The following FOXP1 variants were observed in gnomAD, a reference collection of about 807,000 sequenced individuals.
The protein encoded by FOXP1 is forkhead box protein P1.
Under a neutral mutation model 98.2 loss-of-function variants are expected in FOXP1, and 15 were observed. The ratio of observed to expected loss-of-function variants is 0.15; its 90% CI spans 0.10 to 0.24. FOXP1 has a LOEUF of 0.24. Among genes scored for constraint, FOXP1 ranks in the 10% least tolerant of loss-of-function variants. The pLI, the probability that FOXP1 is intolerant of heterozygous loss-of-function variation, is 1.00. For synonymous variants in FOXP1, 371 were observed against 314.5 expected, an observed-to-expected ratio of 1.18 and a Z score of -1.90; for missense variants, 633 against 848.5, an observed-to-expected ratio of 0.75 and a Z score of 3.15.
At chr3:71,127,390 T>C (rs763832082) in intron 6 of FOXP1, among the ~76,000 whole-genome samples, 6 of 152,192 alleles carry the variant, frequency 3.9e-5, no homozygotes, top group Non-Finnish European at 5.9e-5. Context: ...GCCAACATCA[T>C]ATTGAGTTAA....
At chr3:71,264,111 T>C (rs1403586766) in intron 5 of FOXP1, among the ~76,000 whole-genome samples, 2 of 152,174 alleles carry the variant, frequency 1.3e-5, no homozygotes, top group Non-Finnish European at 2.9e-5. Flanking sequence ...GTGAATTTAA[T>C]ACTTACATAC....
intron 17 of FOXP1, among the ~76,000 whole-genome samples, chr3:70,973,253 C>T (rs763768904): frequency 2.7e-4 from 40 of 150,700 alleles, no homozygotes; most frequent in South Asian, 6.4e-4. Flanking sequence ...CGCCCCGCCC[C>T]GCCCCGGTCA....
At position 71,565,234 on chromosome 3, in the gene FOXP1, C is replaced by CG. The variant is rs541406496; in HGVS notation, c.-298+16314dup. 3.5e-4 allele frequency among the ~76,000 whole-genome samples: 53 copies of CG among 152,246 alleles called. 1 individual carries two copies. Among genetic ancestry groups the CG allele is most frequent in the Admixed American group, 2.3e-3 (35 of 15,298 alleles). On this transcript the variant is annotated intron_variant, in intron 2 of 20. Coordinates refer to ENST00000649528, the MANE Select transcript of FOXP1 (RefSeq NM_001349338.3). ...AAAAGGATGAGAAATGATGGCTTCACGGGCTTCAGACTACCAGACCACATT... is the reference window on the plus strand; with the variant it reads ...AAAAGGATGAGAAATGATGGCTTCACGGGGCTTCAGACTACCAGACCACATT...
intron 3 of FOXP1, among the ~76,000 whole-genome samples, chr3:71,424,080 G>A (rs1577422863): frequency 6.6e-6 from 1 of 152,250 alleles, no homozygotes; most frequent in Middle Eastern, 3.4e-3. Flanking sequence ...GGCCCAAGCT[G>A]TCAGGCCTGG....
intron 3 of FOXP1, among the ~76,000 whole-genome samples, chr3:71,413,439 CAT>C (rs1021401813): frequency 2.0e-5 from 3 of 152,254 alleles, no homozygotes; most frequent in Non-Finnish European, 4.4e-5. Flanking sequence ...CCCACACACA[CAT>C]ATACACACAT....
chr3:71,487,904 C>T (rs935753557), intron 3 of FOXP1, among the ~76,000 whole-genome samples: 2 of 151,990 alleles, frequency 1.3e-5, no homozygotes, highest in East Asian at 3.9e-4. Flanking sequence ...ATCATAAAAC[C>T]TATATTCAAT....
chr3:71,276,519 C>A (rs939191123), intron 5 of FOXP1, among the ~76,000 whole-genome samples: 1 of 152,174 alleles, frequency 6.6e-6, no homozygotes, highest in African/African-American at 2.4e-5. Flanking sequence ...ATCTAGGTGG[C>A]ATCATTAACC....
intron 7 of FOXP1, among the ~76,000 whole-genome samples, chr3:71,081,095 C>A (rs1006861274): frequency 1.3e-5 from 2 of 152,184 alleles, no homozygotes; most frequent in Admixed American, 6.5e-5. Context: ...TACTGCTTAA[C>A]GCTAAGTGTT....
chr3:71,029,204 T>G (rs1207625202), intron 11 of FOXP1, among the ~76,000 whole-genome samples: 1 of 152,186 alleles, frequency 6.6e-6, no homozygotes, highest in African/African-American at 2.4e-5. Flanking sequence ...TCTGAACATT[T>G]CATGTAGTCT....
chr3:71,010,189 C>T (rs1411496941), intron 12 of FOXP1, among the ~76,000 whole-genome samples: 1 of 152,084 alleles, frequency 6.6e-6, no homozygotes, highest in Admixed American at 6.6e-5. Context: ...CCCAGTCAGG[C>T]TTTCTCCAAA....
intron 2 of FOXP1, among the ~76,000 whole-genome samples, chr3:71,559,215 T>C (rs572383161): frequency 1.6e-4 from 25 of 152,318 alleles, no homozygotes; most frequent in African/African-American, 5.8e-4. Context: ...GATTTGGCTA[T>C]GCCCCAGGGC....
At chr3:71,306,801 A>C (rs945056741) in intron 4 of FOXP1, among the ~76,000 whole-genome samples, 1 of 152,200 alleles carries the variant, frequency 6.6e-6, no homozygotes, top group Non-Finnish European at 1.5e-5. Flanking sequence ...ATTAGAAAAG[A>C]TGCTTTTAAC....
chr3:71,423,303 C>G (rs1347941871), intron 3 of FOXP1, among the ~76,000 whole-genome samples: 1 of 152,174 alleles, frequency 6.6e-6, no homozygotes, highest in Non-Finnish European at 1.5e-5. Flanking sequence ...AGAGCAAGAC[C>G]AAGCGTGCAT....
At position 70,959,100 on chromosome 3, in the gene FOXP1, G is replaced by A. The variant is rs897993390; in HGVS notation, c.*147C>T. The A allele has an allele frequency of 1.1e-6, 1 of 908,286 alleles. No individual in the cohort carries two copies. The highest frequency in any genetic ancestry group is 1.7e-6 in the Non-Finnish European group (1 of 580,166). 56.3% of individuals were successfully genotyped at this position (908,286 alleles called of 1,614,324 possible). On this transcript the variant is annotated 3_prime_UTR_variant, in exon 21 of 21. Transcript: ENST00000649528. ...AATGGGGTTCTTGATGGCACTAAGAGTTAACACATTTCAGAGTTGTCAAAA... is the reference window on the plus strand; with the variant it reads ...AATGGGGTTCTTGATGGCACTAAGAATTAACACATTTCAGAGTTGTCAAAA...
chr3:71,049,583 T>G (rs1357027797), intron 9 of FOXP1, among the ~76,000 whole-genome samples: 1 of 151,344 alleles, frequency 6.6e-6, no homozygotes, highest in Non-Finnish European at 1.5e-5. Context: ...CAAAGGTACA[T>G]CGTTCTGGCC....
At chr3:71,444,712 C>T (rs1432148295) in intron 3 of FOXP1, among the ~76,000 whole-genome samples, 2 of 152,176 alleles carry the variant, frequency 1.3e-5, no homozygotes, top group East Asian at 1.9e-4. Context: ...TTATTACGGG[C>T]CAGCCCACAA....
At chr3:71,256,499 G>A (rs565083168) in intron 5 of FOXP1, among the ~76,000 whole-genome samples, 105 of 152,038 alleles carry the variant, frequency 6.9e-4, no homozygotes, top group Non-Finnish European at 1.3e-3. Context: ...TTCTCCTGCC[G>A]CAGCCTCCCG....
At chr3:71,322,847 C>T (rs768597430) in intron 4 of FOXP1, among the ~76,000 whole-genome samples, 2 of 152,156 alleles carry the variant, frequency 1.3e-5, no homozygotes, top group African/African-American at 4.8e-5. Flanking sequence ...TGACAAAGTA[C>T]AGCAGTGGCG....
At chr3:70,972,024 CG>C in intron 18 of FOXP1, 3 of 1,440,622 alleles carry the variant, frequency 2.1e-6, no homozygotes, top group Non-Finnish European at 1.8e-6. Context: ...GCGACAAGCT[CG>C]TCAAAGTTTT....
Sources: gnomAD v4.1 joint callset for allele counts (sites outside exome capture counted in the v4.1 genomes callset) on GRCh38, gnomAD v4.1.1 for gene constraint, MANE v1.5 for transcripts, NCBI Gene and HGNC (gene_info 2026-07-23, HGNC 2026-07-21) for gene names.